Variants in DOCK9 observed in about 807,000 individuals in gnomAD.
DOCK9 encodes the protein dedicator of cytokinesis protein 9.
A neutral mutation model predicts 263.3 loss-of-function variants in DOCK9; 89 were observed. That is an observed-to-expected ratio of 0.34 (90% CI 0.28 to 0.40). DOCK9 has a LOEUF of 0.40. Ranked by LOEUF, DOCK9 falls within the 10% of genes least tolerant of loss-of-function variation. The pLI is 1.00. For synonymous variants in DOCK9, 976 were observed against 973.1 expected, an observed-to-expected ratio of 1.00 and a Z score of -0.06; for missense variants, 2,140 against 2,603.4, an observed-to-expected ratio of 0.82 and a Z score of 3.87.
chr13:98,811,423 G>GT (rs1555339729), intron 45 of DOCK9, among the ~76,000 whole-genome samples: 24 of 128,148 alleles, frequency 1.9e-4, no homozygotes, highest in Non-Finnish European at 2.8e-4. Context: ...TTGTCTCTAG[G>GT]GTTTTTTTTT....
chr13:98,821,696 C>T (rs187480419), intron 45 of DOCK9, among the ~76,000 whole-genome samples: 1 of 152,262 alleles, frequency 6.6e-6, no homozygotes, highest in Non-Finnish European at 1.5e-5. Context: ...CTTTATTAAT[C>T]AAAAGCAGCT....
intron 15 of DOCK9, among the ~76,000 whole-genome samples, chr13:98,895,254 A>G (rs7339061): frequency 0.13 from 19,277 of 152,130 alleles, 1,339 homozygotes; most frequent in South Asian, 0.2. Context: ...ATAAAAATGT[A>G]TATATAACAC....
chr13:98,907,136 C>T (rs373345472), intron 9 of DOCK9, among the ~76,000 whole-genome samples: 4 of 152,206 alleles, frequency 2.6e-5, no homozygotes, highest in Non-Finnish European at 4.4e-5. Flanking sequence ...AGTGAGAACA[C>T]GTGCAAGTGG....
intron 1 of DOCK9, among the ~76,000 whole-genome samples, chr13:98,961,961 G>GCC (rs2058685787): frequency 6.6e-6 from 1 of 152,170 alleles, no homozygotes. Flanking sequence ...AACTGAGAAT[G>GCC]CCCCCAAACT....
At chr13:98,809,502 C>A in intron 46 of DOCK9, 37 bp from the exon 47 acceptor site, 1 of 1,499,808 alleles carries the variant, frequency 6.7e-7, no homozygotes, top group Non-Finnish European at 9.0e-7. Flanking sequence ...TTCCCATGTG[C>A]AAAGAGGAGA....
chr13:98,796,243 A>C (rs781221188), intron 52 of DOCK9: 11 of 1,576,658 alleles, frequency 7.0e-6, no homozygotes, highest in African/African-American at 1.3e-5. Context: ...GGAGAAAAAA[A>C]GCAAGTGAGT....
intron 37 of DOCK9, chr13:98,846,403 T>C (rs1237720484): frequency 1.2e-6 from 1 of 814,822 alleles, no homozygotes; most frequent in East Asian, 5.5e-5. Context: ...TTGGATTATA[T>C]ATGTTCTGAA....
At chr13:99,051,298 T>C (rs1216847956) in intron 1 of DOCK9, among the ~76,000 whole-genome samples, 1 of 152,126 alleles carries the variant, frequency 6.6e-6, no homozygotes, top group African/African-American at 2.4e-5. Context: ...TCTTGCTCTT[T>C]GCTTTACTGA....
At chr13:98,962,581 A>G (rs956209671) in intron 1 of DOCK9, among the ~76,000 whole-genome samples, 2 of 152,032 alleles carry the variant, frequency 1.3e-5, no homozygotes, top group Non-Finnish European at 2.9e-5. Context: ...GTAAACACAT[A>G]TTATAATAAA....
intron 1 of DOCK9, among the ~76,000 whole-genome samples, chr13:98,967,641 G>A (rs1227852696): frequency 6.6e-6 from 1 of 152,120 alleles, no homozygotes. Context: ...TGCTCCACAC[G>A]AGGATGCTTC....
At chr13:98,868,565 A>G (rs2094106912) in intron 27 of DOCK9, among the ~76,000 whole-genome samples, 188 bp from the exon 28 acceptor site, 1 of 152,114 alleles carries the variant, frequency 6.6e-6, no homozygotes, top group Non-Finnish European at 1.5e-5. Context: ...GGGGTTTAAG[A>G]CCAGCCCAGG....
At position 98,808,737 on chromosome 13, in the gene DOCK9, C is replaced by A. The variant is rs2090992013; in HGVS notation, c.5367+615G>T. ...AAGGTTATATAATGCTCATAGAAAA[C>A]CACACGCCCTAAATATATGTATTAT... is the stretch of plus-strand genomic sequence containing the variant. On this transcript the variant is annotated intron_variant, in intron 47 of 52. Transcript: ENST00000682017. 4 of 1,048,208 alleles carry A rather than the reference C, an allele frequency of 3.8e-6. No homozygotes were observed. In the South Asian group the frequency reaches 4.2e-5, roughly 11 times the overall value. 64.9% of individuals were successfully genotyped at this position (1,048,208 alleles called of 1,614,324 possible). A position where few individuals can be genotyped will look rare whatever the true frequency, so the allele number is the denominator to read the frequency against.
intron 1 of DOCK9, among the ~76,000 whole-genome samples, chr13:98,986,413 C>G (rs141660769): frequency 6.6e-6 from 1 of 152,330 alleles, no homozygotes; most frequent in Non-Finnish European, 1.5e-5. Flanking sequence ...CAAAAAGGAA[C>G]ACACTCTCAG....
chr13:98,896,539 G>C (rs1291991403), intron 15 of DOCK9, among the ~76,000 whole-genome samples: 3 of 150,704 alleles, frequency 2.0e-5, no homozygotes, highest in Non-Finnish European at 4.4e-5. Context: ...GTTAGCATTT[G>C]GCTCTCAGCT....
rs368504355 is a variant in DOCK9, at chr13:99,059,395, T to G, written c.129+26828A>C. Among the ~76,000 whole-genome samples, 16 of 152,084 alleles carry G rather than the reference T, an allele frequency of 1.1e-4. No homozygotes were observed. The South Asian group carries it at 3.3e-3, about 32-fold the overall frequency. Reference sequence around the variant, plus strand: ...CAGCTGGGCATACAGGCATCATCCTTGATTCCTCTCCCCTCCCTCCTACAT... The same window carrying G: ...CAGCTGGGCATACAGGCATCATCCTGGATTCCTCTCCCCTCCCTCCTACAT... On this transcript the variant is annotated intron_variant, in intron 1 of 32. Transcript: ENST00000427887.
intron 9 of DOCK9, among the ~76,000 whole-genome samples, chr13:98,913,033 G>C (rs921981547): frequency 4.6e-5 from 7 of 152,114 alleles, no homozygotes; most frequent in Non-Finnish European, 1.0e-4. Context: ...TTACAATGGT[G>C]GCACTAAAAT....
At chr13:98,814,623 C>T (rs2091640176) in intron 45 of DOCK9, among the ~76,000 whole-genome samples, 1 of 152,044 alleles carries the variant, frequency 6.6e-6, no homozygotes, top group South Asian at 2.1e-4. Flanking sequence ...CCAGGCTGGT[C>T]CCAAACTCCT....
At chr13:99,076,052 A>T (rs1240472387) in intron 1 of DOCK9, among the ~76,000 whole-genome samples, 1 of 152,224 alleles carries the variant, frequency 6.6e-6, no homozygotes, top group Non-Finnish European at 1.5e-5. Context: ...CTGATCAGAC[A>T]GTAAGTCTCT....
intron 33 of DOCK9, chr13:98,860,194 C>T: frequency 1.4e-6 from 2 of 1,417,578 alleles, no homozygotes; most frequent in South Asian, 3.3e-5. Flanking sequence ...ACTGTATGAT[C>T]CTGAGGAGTC....
Sources: gnomAD v4.1 joint callset for allele counts (sites outside exome capture counted in the v4.1 genomes callset) on GRCh38, gnomAD v4.1.1 for gene constraint, MANE v1.5 for transcripts, NCBI Gene and HGNC (gene_info 2026-07-23, HGNC 2026-07-21) for gene names.